Variants in KSR2 observed in about 807,000 individuals in gnomAD.
KSR2 encodes kinase suppressor of ras 2.
KSR2 carries 25 observed loss-of-function variants against 107.8 expected under a neutral mutation model. That is an observed-to-expected ratio of 0.23 (90% CI 0.17 to 0.32). KSR2 has a LOEUF of 0.32. Ranked by LOEUF, KSR2 falls within the 10% of genes least tolerant of loss-of-function variation. The probability of loss-of-function intolerance (pLI) is 1.00; values close to 1 mark genes in which losing one functional copy is unlikely to be tolerated. For missense variants in KSR2, 887 were observed against 1,268.9 expected, an observed-to-expected ratio of 0.70 and a Z score of 4.57; for synonymous variants, 480 against 507.0, an observed-to-expected ratio of 0.95 and a Z score of 0.71.
At chr12:117,948,737 C>G (rs977962185) in intron 1 of KSR2, among the ~76,000 whole-genome samples, 5 of 152,180 alleles carry the variant, frequency 3.3e-5, no homozygotes, top group African/African-American at 4.8e-5. Flanking sequence ...AATTTAAACT[C>G]ACACTATATA....
At chr12:117,592,759 T>C (rs997135718) in intron 5 of KSR2, among the ~76,000 whole-genome samples, 3 of 152,170 alleles carry the variant, frequency 2.0e-5, no homozygotes, top group Non-Finnish European at 4.4e-5. Flanking sequence ...CAGGAGTAAT[T>C]ATCTTCCTTG....
At chr12:117,841,032 A>C (rs184719944) in intron 3 of KSR2, among the ~76,000 whole-genome samples, 1 of 151,842 alleles carries the variant, frequency 6.6e-6, no homozygotes, top group African/African-American at 2.4e-5. Flanking sequence ...GTAACATACC[A>C]ATGTGGATGC....
intron 3 of KSR2, among the ~76,000 whole-genome samples, chr12:117,794,148 A>C (rs1340860245): frequency 9.0e-6 from 1 of 111,578 alleles, no homozygotes; most frequent in Non-Finnish European, 1.8e-5. Context: ...ACACACCCCA[A>C]CATGCACACA....
intron 5 of KSR2, among the ~76,000 whole-genome samples, chr12:117,612,916 C>T (rs989136988): frequency 1.3e-5 from 2 of 152,100 alleles, no homozygotes; most frequent in Non-Finnish European, 2.9e-5. Flanking sequence ...CTTTTGCTGC[C>T]CTGGAAAGAT....
At chr12:117,702,223 G>C (rs1397253632) in intron 4 of KSR2, among the ~76,000 whole-genome samples, 1 of 152,170 alleles carries the variant, frequency 6.6e-6, no homozygotes, top group African/African-American at 2.4e-5. Flanking sequence ...GGGCCAACAT[G>C]ATTCCCTGTT....
intron 3 of KSR2, among the ~76,000 whole-genome samples, chr12:117,816,070 A>G (rs1237656567): frequency 1.3e-5 from 2 of 148,740 alleles, no homozygotes; most frequent in Non-Finnish European, 3.0e-5. Flanking sequence ...CAAGGTTGCA[A>G]TTGTAAACCA....
chr12:117,822,189 C>T (rs546713694), intron 3 of KSR2, among the ~76,000 whole-genome samples: 75 of 152,298 alleles, frequency 4.9e-4, no homozygotes, highest in African/African-American at 1.6e-3. Context: ...AGCATATCAT[C>T]AAGAAATAAC....
chr12:117,628,254 C>A (rs568876391), intron 5 of KSR2, among the ~76,000 whole-genome samples: 1 of 152,278 alleles, frequency 6.6e-6, no homozygotes, highest in South Asian at 2.1e-4. Context: ...TGAGGAGCTG[C>A]AATCCTTTGG....
At chr12:117,729,140 CTTTT>C (rs78615056) in intron 4 of KSR2, among the ~76,000 whole-genome samples, 1 of 140,714 alleles carries the variant, frequency 7.1e-6, no homozygotes, top group Non-Finnish European at 1.6e-5. Flanking sequence ...CAGCAGGAAA[CTTTT>C]TTTTTTTTTT....
At chr12:117,873,177 T>G (rs1368380547) in intron 1 of KSR2, among the ~76,000 whole-genome samples, 3 of 151,934 alleles carry the variant, frequency 2.0e-5, no homozygotes, top group Non-Finnish European at 4.4e-5. Context: ...AAACCCCATC[T>G]CTACTAAAAA....
rs765057230 is a variant in KSR2 at position 117,579,216 on chromosome 12, A to C, written c.1242-14T>G. On this transcript the variant is annotated splice_polypyrimidine_tract_variant and intron_variant, in intron 6 of 19. Coordinates refer to ENST00000339824, the MANE Select transcript of KSR2 (RefSeq NM_173598.6). Reference sequence around the variant, plus strand: ...TTGGTGGAAAACCTGTGGAAAAGAGACAGAAAATGTTCAAGGTTAAGGAAA... The same window carrying C: ...TTGGTGGAAAACCTGTGGAAAAGAGCCAGAAAATGTTCAAGGTTAAGGAAA... The C allele has an allele frequency of 4.4e-6, 7 of 1,599,916 alleles. No homozygotes were observed. Among genetic ancestry groups the C allele is most frequent in the Middle Eastern group, 1.7e-4 (1 of 6,032 alleles).
At chr12:117,836,091 C>T (rs1439880471) in intron 3 of KSR2, among the ~76,000 whole-genome samples, 1 of 113,440 alleles carries the variant, frequency 8.8e-6, no homozygotes, top group Non-Finnish European at 2.0e-5. Context: ...CTTTTCCCAA[C>T]CTCCCAAATA....
intron 1 of KSR2, among the ~76,000 whole-genome samples, chr12:117,887,269 T>C (rs2137343487): frequency 6.6e-6 from 1 of 151,950 alleles, no homozygotes; most frequent in East Asian, 1.9e-4. Context: ...TTTTGTTTTG[T>C]TTCATTTTGT....
chr12:117,557,569 C>G (rs1298838160), intron 8 of KSR2, among the ~76,000 whole-genome samples: 1 of 152,192 alleles, frequency 6.6e-6, no homozygotes, highest in Non-Finnish European at 1.5e-5. Flanking sequence ...CTTTGAATAG[C>G]AAGGATCTGG....
At chr12:117,936,399 T>C (rs2137516323) in intron 1 of KSR2, among the ~76,000 whole-genome samples, 1 of 151,464 alleles carries the variant, frequency 6.6e-6, no homozygotes, top group African/African-American at 2.4e-5. Flanking sequence ...CAAGCATGGC[T>C]CACTGCAGCT....
At chr12:117,715,203 C>T (rs1211517053) in intron 4 of KSR2, among the ~76,000 whole-genome samples, 1 of 152,174 alleles carries the variant, frequency 6.6e-6, no homozygotes, top group African/African-American at 2.4e-5. Context: ...CAATAAGAAT[C>T]TGTGCTCCCT....
At chr12:117,712,674 A>G (rs905032716) in intron 4 of KSR2, among the ~76,000 whole-genome samples, 1 of 152,230 alleles carries the variant, frequency 6.6e-6, no homozygotes, top group South Asian at 2.1e-4. Context: ...GAATACCTTC[A>G]GACTCAAGAC....
intron 4 of KSR2, among the ~76,000 whole-genome samples, chr12:117,708,587 A>C (rs1173963483): frequency 6.6e-6 from 1 of 152,176 alleles, no homozygotes; most frequent in Non-Finnish European, 1.5e-5. Flanking sequence ...CCAGCTGATG[A>C]TAGTATTGCC....
At chr12:117,469,566 T>C (rs1871317940) in intron 19 of KSR2, 96 bp downstream of exon 19, 5 of 1,415,192 alleles carry the variant, frequency 3.5e-6, no homozygotes, top group East Asian at 2.5e-5. Context: ...TAGGAGCTTG[T>C]TGGGGGAGGA....
Sources: allele counts gnomAD v4.1 joint callset (sites outside exome capture counted in the v4.1 genomes callset), GRCh38; gene constraint gnomAD v4.1.1; transcripts MANE v1.5; gene names NCBI Gene and HGNC (gene_info 2026-07-23, HGNC 2026-07-21).